Variants in ERC1 observed in about 807,000 individuals in gnomAD.
ERC1 encodes the protein RAB6 interacting protein 2.
Under a neutral mutation model 132.0 loss-of-function variants are expected in ERC1, and 56 were observed. The ratio of observed to expected loss-of-function variants is 0.42; its 90% confidence interval spans 0.34 to 0.53. ERC1 has a LOEUF of 0.53. Among genes scored for constraint, ERC1 ranks in the 20% least tolerant of loss-of-function variants. The pLI is 0.03. For synonymous variants in ERC1, 478 were observed against 476.1 expected (o/e 1.00, Z -0.05); for missense variants, 1,202 against 1,349.9 (o/e 0.89, Z 1.72).
chr12:1,173,243 ACC>A (rs1953279621), intron 8 of ERC1, among the ~76,000 whole-genome samples: 1 of 152,164 alleles, frequency 6.6e-6, no homozygotes, highest in Admixed American at 6.5e-5. Flanking sequence ...GAGCTACACT[ACC>A]TAGTGATTTT....
At chr12:1,269,780 C>G (rs2077704838) in intron 14 of ERC1, among the ~76,000 whole-genome samples, 1 of 152,208 alleles carries the variant, frequency 6.6e-6, no homozygotes, top group African/African-American at 2.4e-5. Context: ...TGAAATTGAT[C>G]TGCTCAAAAG....
intron 17 of ERC1, among the ~76,000 whole-genome samples, chr12:1,427,959 G>T (rs183050167): frequency 6.6e-6 from 1 of 152,264 alleles, no homozygotes; most frequent in East Asian, 1.9e-4. Flanking sequence ...TTCACAGGTA[G>T]ATCCTGCTTT....
intron 12 of ERC1, among the ~76,000 whole-genome samples, chr12:1,209,721 G>C (rs934535687): frequency 6.6e-6 from 1 of 152,094 alleles, no homozygotes; most frequent in African/African-American, 2.4e-5. Flanking sequence ...TCTACCTTTC[G>C]AAAAGCTCCC....
At chr12:1,179,500 C>CT (rs58317880) in intron 8 of ERC1, among the ~76,000 whole-genome samples, 2,314 of 95,690 alleles carry the variant, frequency 0.024, 54 homozygotes, top group East Asian at 0.03. Context: ...ATTCATTTTT[C>CT]TTTTTTTTTT....
intron 11 of ERC1, among the ~76,000 whole-genome samples, chr12:1,188,783 A>G (rs1467378327): frequency 6.6e-6 from 1 of 152,164 alleles, no homozygotes; most frequent in Admixed American, 6.5e-5. Context: ...CTAAGAATAT[A>G]TATTTTCTCC....
chr12:1,376,547 C>T (rs2087942677), intron 16 of ERC1, among the ~76,000 whole-genome samples: 1 of 152,178 alleles, frequency 6.6e-6, no homozygotes, highest in Admixed American at 6.5e-5. Flanking sequence ...CCGGGTCTTC[C>T]CCACAGCTCT....
At chr12:1,462,513 A>G (rs1324618826) in intron 18 of ERC1, among the ~76,000 whole-genome samples, 1 of 152,248 alleles carries the variant, frequency 6.6e-6, no homozygotes, top group African/African-American at 2.4e-5. Flanking sequence ...AGAATGAACT[A>G]CTAATACAAA....
intron 18 of ERC1, among the ~76,000 whole-genome samples, chr12:1,457,618 T>G (rs1229111617): frequency 6.6e-6 from 1 of 152,148 alleles, no homozygotes; most frequent in Admixed American, 6.5e-5. Flanking sequence ...GTCTCAACCA[T>G]TTTTTTATAC....
In ERC1 at chr12:1,405,184, A is replaced by T. The variant is rs1038243374; in HGVS notation, c.2926-2965A>T. Among the ~76,000 whole-genome samples, 20 of 133,316 alleles carry T rather than the reference A, an allele frequency of 1.5e-4. 1 individual carries two copies. The South Asian group carries it at 4.5e-3, about 30-fold the overall frequency. The allele number at this position is 133,316 out of a possible 152,430, so 87.5% of individuals were successfully genotyped here. On this transcript the variant is annotated intron_variant, in intron 16 of 18. Coordinates refer to ENST00000360905, the MANE Select transcript of ERC1 (RefSeq NM_178040.4). ...ATAAATAAATAAATAAATAAATATA[A>T]ATAAAATAATATAAAATTGGGGGGA...
At chr12:1,366,655 T>C (rs1479160719) in intron 15 of ERC1, among the ~76,000 whole-genome samples, 1 of 152,066 alleles carries the variant, frequency 6.6e-6, no homozygotes. Context: ...CTTGGAAAAG[T>C]AGGACAGTAT....
At chr12:1,104,666 T>G in intron 3 of ERC1, 84 bp from the exon 4 acceptor site, 2 of 916,708 alleles carry the variant, frequency 2.2e-6, no homozygotes, top group Non-Finnish European at 3.6e-6. Flanking sequence ...AGTGATCTTT[T>G]GCATACATCG....
chr12:1,240,016 C>T (rs57027936), intron 13 of ERC1, among the ~76,000 whole-genome samples: 45,898 of 151,850 alleles, frequency 0.3, 7,063 homozygotes, highest in Middle Eastern at 0.39. Flanking sequence ...TAGCATCATG[C>T]GATATGAAAA....
chr12:1,264,545 T>A (rs1363019600), intron 14 of ERC1, among the ~76,000 whole-genome samples: 1 of 152,004 alleles, frequency 6.6e-6, no homozygotes, highest in African/African-American at 2.4e-5. Context: ...GCGCCTGTAG[T>A]CCCAGCTACT....
intron 15 of ERC1, among the ~76,000 whole-genome samples, chr12:1,303,955 G>GAA (rs59587052): frequency 3.5e-4 from 30 of 86,494 alleles, no homozygotes; most frequent in African/African-American, 5.3e-4. Context: ...CTCCATCTCA[G>GAA]AAAAAAAAAA....
intron 14 of ERC1, among the ~76,000 whole-genome samples, chr12:1,283,851 G>A (rs2078857956): frequency 6.6e-6 from 1 of 152,178 alleles, no homozygotes. Flanking sequence ...AATGTGTAAT[G>A]ATCAAATCTG....
At chr12:1,067,885 G>C (rs551749706) in intron 2 of ERC1, among the ~76,000 whole-genome samples, 18 of 149,768 alleles carry the variant, frequency 1.2e-4, no homozygotes, top group African/African-American at 2.2e-4. Context: ...TGTGTGTCCA[G>C]TGTAGTTTGC....
intron 3 of ERC1, among the ~76,000 whole-genome samples, chr12:1,097,643 G>C (rs1238952665): frequency 6.6e-6 from 1 of 152,064 alleles, no homozygotes; most frequent in Non-Finnish European, 1.5e-5. Flanking sequence ...AGACTCAAGG[G>C]GACCCTTGTC....
At chr12:1,007,796 A>T (rs79988827) in intron 1 of ERC1, among the ~76,000 whole-genome samples, 24,814 of 151,908 alleles carry the variant, frequency 0.16, 2,648 homozygotes, top group African/African-American at 0.31. Context: ...ACAGACTCTT[A>T]AATTCTGTAA....
intron 15 of ERC1, among the ~76,000 whole-genome samples, chr12:1,337,494 G>T (rs2083417424): frequency 6.6e-6 from 1 of 151,986 alleles, no homozygotes; most frequent in Admixed American, 6.6e-5. Context: ...TCTTTATCTA[G>T]CTTGTTGCTT....
Sources: gnomAD v4.1 joint callset for allele counts (sites outside exome capture counted in the v4.1 genomes callset) on GRCh38, gnomAD v4.1.1 for gene constraint, MANE v1.5 for transcripts, NCBI Gene and HGNC (gene_info 2026-07-23, HGNC 2026-07-21) for gene names.